The following ZNF425 variants were observed in gnomAD, a reference collection of about 807,000 sequenced individuals.
The protein encoded by ZNF425 is zinc finger protein 425.
ZNF425 carries 21 observed loss-of-function variants against 17.0 expected under a neutral mutation model. The ratio of observed to expected loss-of-function variants is 1.23; its 90% CI spans 0.88 to 1.78. The LOEUF is 1.78. Ranked by LOEUF, ZNF425 falls within the 40% of genes most tolerant of loss-of-function variation. The pLI, the probability that ZNF425 is intolerant of heterozygous loss-of-function variation, is 0.00. For missense variants in ZNF425, 868 were observed against 967.3 expected (o/e 0.90, Z 1.36); for synonymous variants, 433 against 384.1 (o/e 1.13, Z -1.49).
intron 1 of ZNF425, chr7:149,118,665 A>G: frequency 2.4e-6 from 1 of 413,224 alleles, no homozygotes; most frequent in South Asian, 1.8e-5. Context: ...AAATTAAAAA[A>G]TTAGCTGGGC....
At chr7:149,112,055 A>C in intron 3 of ZNF425, 82 bp downstream of exon 3, 1 of 1,410,334 alleles carries the variant, frequency 7.1e-7, no homozygotes, top group Non-Finnish European at 9.8e-7. Flanking sequence ...GACTAGATCT[A>C]GTCAGATATC....
At chr7:149,114,931 CTTT>C (rs35954198) in intron 2 of ZNF425, among the ~76,000 whole-genome samples, 4 of 101,020 alleles carry the variant, frequency 4.0e-5, no homozygotes, top group Admixed American at 1.1e-4. Context: ...TCTTTCTTTT[CTTT>C]TTTTTTTTTT....
chr7:149,115,255 C>T (rs976937842), intron 2 of ZNF425, among the ~76,000 whole-genome samples: 5 of 151,394 alleles, frequency 3.3e-5, no homozygotes, highest in Non-Finnish European at 5.9e-5. Context: ...TGGTGAATAT[C>T]GAGGTACCAA....
At chr7:149,110,889 C>T (rs759582457) in intron 3 of ZNF425, among the ~76,000 whole-genome samples, 9 of 150,868 alleles carry the variant, frequency 6.0e-5, no homozygotes, top group Non-Finnish European at 1.3e-4. Context: ...CCGCCTCCTG[C>T]ATTCCAGCAA....
At chr7:149,114,682 C>T (rs1255609921) in intron 2 of ZNF425, among the ~76,000 whole-genome samples, 1 of 151,310 alleles carries the variant, frequency 6.6e-6, no homozygotes, top group Non-Finnish European at 1.5e-5. Context: ...CAGGCGTGAA[C>T]CACTGTGCCC....
intron 3 of ZNF425, among the ~76,000 whole-genome samples, chr7:149,108,518 T>A (rs1488098760): frequency 6.6e-6 from 1 of 152,194 alleles, no homozygotes; most frequent in Admixed American, 6.6e-5. Flanking sequence ...CTGTGATTAT[T>A]GGCTGAGCAC....
Position 149,118,114 on chromosome 7 carries a change from A to T in ZNF425, c.145+108T>A. ...GAAAGGGAGGAGACATTATGAATGT[A>T]AACTGGGCACAGTATCATATTCAAC... is the stretch of plus-strand genomic sequence containing the variant. On this transcript the variant is annotated intron_variant, in intron 2 of 3. Transcript: ENST00000378061. 2.4e-6 allele frequency: 3 copies of T among 1,252,672 alleles called. No homozygotes were observed. In the South Asian group the frequency reaches 4.0e-5, roughly 17 times the overall value. 77.6% of individuals were successfully genotyped at this position (1,252,672 alleles called of 1,614,324 possible).
intron 2 of ZNF425, among the ~76,000 whole-genome samples, chr7:149,114,448 G>C (rs1826226123): frequency 6.8e-6 from 1 of 146,378 alleles, no homozygotes; most frequent in Non-Finnish European, 1.5e-5. Context: ...AGTCTGGCTG[G>C]AGTGCAGTGG....
intron 3 of ZNF425, among the ~76,000 whole-genome samples, chr7:149,105,824 G>C (rs908394586): frequency 4.0e-5 from 6 of 150,944 alleles, no homozygotes; most frequent in Admixed American, 6.6e-5. Context: ...CTAATTTTTT[G>C]TATTTTTAGT....
chr7:149,119,018 G>A (rs1826309738), intron 1 of ZNF425, among the ~76,000 whole-genome samples: 1 of 151,998 alleles, frequency 6.6e-6, no homozygotes, highest in South Asian at 2.1e-4. Flanking sequence ...AAACAGCACA[G>A]AAGGCTTCCA....
intron 1 of ZNF425, chr7:149,118,631 A>C: frequency 2.4e-6 from 1 of 417,296 alleles, no homozygotes; most frequent in South Asian, 2.0e-5. Context: ...CCTGGCCAAC[A>C]TGGCAAAACC....
At position 149,104,567 on chromosome 7, in the gene ZNF425, T is replaced by A. The variant is rs1244792925; in HGVS notation, c.1304A>T (p.Gln435Leu). 1 of 1,613,746 alleles carries A rather than the reference T, an allele frequency of 6.2e-7. No individual in the cohort carries two copies. Among genetic ancestry groups the A allele is most frequent in the South Asian group, 1.1e-5 (1 of 91,062 alleles). Residue 435 changes from glutamine (Q) to leucine (L), a missense_variant, in exon 4 of 4, where the codon CAG becomes CTG. Gln to Leu is a moderately radical substitution (Grantham distance 113). This residue lies in a region of ZNF425 where 437 missense variants were observed against 444.2 expected (regional missense o/e 0.98). Transcript: ENST00000378061. The surrounding 1 kb of genome is among the most constrained non-coding windows in gnomAD (Gnocchi z 4.3). ...CTGGAAGGGCCGCTTCCCAATGTGC[T>A]GCAGCCCGTGGGCTTTCAGGCTTCT... is the stretch of plus-strand genomic sequence containing the variant. ...LKRSLKAHGL[Q>L]HIGKRPFQCP...
rs373752511 is a variant in ZNF425 at position 149,103,958 on chromosome 7, A to G, written c.1913T>C (p.Phe638Ser). 3.1e-5 allele frequency: 50 copies of G among 1,613,966 alleles called. No homozygotes were observed. In the South Asian group the frequency reaches 5.2e-4, roughly 17 times the overall value. Residue 638 changes from phenylalanine to serine, a missense_variant, in exon 4 of 4, where the codon TTC (phenylalanine) becomes TCC (serine). Phe to Ser is a radical substitution (Grantham distance 155, BLOSUM62 -2). Transcript: ENST00000378061. Reference protein sequence around the residue: ...HLLQHSGQKPFSCVMCGKSFT... With the variant: ...HLLQHSGQKPSSCVMCGKSFT... The stretch of plus-strand genomic sequence containing the variant: ...ACTTTTGCCGCACATCACACAAGAG[A>G]ATGGCTTTTGGCCACTGTGCTGCAG...
At chr7:149,118,186 G>A in intron 2 of ZNF425, 36 bp downstream of exon 2, 2 of 1,613,392 alleles carry the variant, frequency 1.2e-6, no homozygotes, top group Non-Finnish European at 1.7e-6. Flanking sequence ...TATTAGGTTG[G>A]TTCCTAAAAA....
chr7:149,111,614 A>G (rs1478801901), intron 3 of ZNF425, among the ~76,000 whole-genome samples: 2 of 144,544 alleles, frequency 1.4e-5, no homozygotes, highest in Non-Finnish European at 3.0e-5. Context: ...AAAAAAAAAA[A>G]AAAAAAATTA....
At chr7:149,122,757 G>A (rs1257673122) in intron 1 of ZNF425, among the ~76,000 whole-genome samples, 8 of 151,702 alleles carry the variant, frequency 5.3e-5, no homozygotes, top group African/African-American at 1.5e-4. Context: ...GTGCAATGGC[G>A]CAATCTCGGC....
rs773591666 is a variant in ZNF425, at chr7:149,104,504, G to A, written c.1367C>T (p.Ala456Val). 3 of 1,598,366 alleles carry A rather than the reference G, an allele frequency of 1.9e-6. No homozygotes were observed. The highest frequency in any genetic ancestry group is 4.5e-5 in the East Asian group (2 of 44,748). The part of the protein sequence containing the change: ...ECSRGFFWRN[A>V]MRAHQRLHSE... ...GTGCAGGCGCTGGTGGGCGCGCATG[G>A]CGTTCCTCCAGAAGAAGCCCCTGCT... is the stretch of plus-strand genomic sequence containing the variant. Residue 456 changes from alanine (A) to valine (V), a missense_variant, in exon 4 of 4, where the codon GCC (alanine) becomes GTC (valine). By Grantham distance (64) the Ala-to-Val change is moderately conservative. Coordinates refer to ENST00000378061, the MANE Select transcript of ZNF425 (RefSeq NM_001001661.3). This position sits in a 1 kb window ranked among gnomAD's most constrained non-coding sequence, Gnocchi z 4.3.
At chr7:149,105,740 T>C (rs1016775406) in intron 3 of ZNF425, among the ~76,000 whole-genome samples, 174 bp from the exon 4 acceptor site, 2 of 151,994 alleles carry the variant, frequency 1.3e-5, no homozygotes, top group African/African-American at 4.8e-5. Flanking sequence ...AAGCTCCGCC[T>C]CCCGGGTTCA....
At position 149,104,314 on chromosome 7, in the gene ZNF425, GACCT is replaced by G. The variant is rs769014744; in HGVS notation, c.1553_1556del (p.Lys518ThrfsTer51). Reference sequence around the variant, plus strand: ...AGGAGAACGGCTTTTCCGTGGTGTGGACCTTCAGGTGCTGCGTGAGCCGCGACTG... The same window carrying G: ...AGGAGAACGGCTTTTCCGTGGTGTGGTCAGGTGCTGCGTGAGCCGCGACTG... On this transcript the variant is annotated frameshift_variant, in exon 4 of 4. Coordinates refer to ENST00000378061, the MANE Select transcript of ZNF425 (RefSeq NM_001001661.3). LOFTEE classifies it low-confidence loss of function (END_TRUNC). The surrounding 1 kb of genome is among the most constrained non-coding windows in gnomAD (Gnocchi z 4.3). 60 of 1,613,178 alleles carry G rather than the reference GACCT, an allele frequency of 3.7e-5. No individual in the cohort carries two copies. Among genetic ancestry groups the G allele is most frequent in the Non-Finnish European group, 4.2e-6 (5 of 1,179,990 alleles).
Sources: allele counts gnomAD v4.1 joint callset (sites outside exome capture counted in the v4.1 genomes callset), GRCh38; gene constraint gnomAD v4.1.1; regional missense constraint gnomAD v4.1.1; non-coding constraint Gnocchi (gnomAD v3.1); transcripts MANE v1.5; gene names NCBI Gene and HGNC (gene_info 2026-07-23, HGNC 2026-07-21).